The following YWHAZ variants were observed in gnomAD, a reference collection of about 807,000 sequenced individuals.
YWHAZ encodes the protein 14-3-3 protein zeta/delta.
For synonymous variants in YWHAZ, 87 were observed against 103.6 expected, an observed-to-expected ratio of 0.84 and a Z score of 0.97; for missense variants, 79 against 284.8, an observed-to-expected ratio of 0.28 and a Z score of 5.20.
chr8:100,947,913 C>T (rs938144637), intron 2 of YWHAZ, among the ~76,000 whole-genome samples: 6 of 152,194 alleles, frequency 3.9e-5, no homozygotes, highest in African/African-American at 1.2e-4. Context: ...AAAAGCCCTA[C>T]TTTATATGAC....
At chr8:100,941,437 TAA>T (rs1173018127) in intron 2 of YWHAZ, among the ~76,000 whole-genome samples, 2 of 152,158 alleles carry the variant, frequency 1.3e-5, no homozygotes, top group African/African-American at 4.8e-5. Context: ...CGCTAATTTT[TAA>T]AAACTCTAGA....
chr8:100,952,821 C>G (rs553910272), upstream of YWHAZ: 7 of 1,000,438 alleles, frequency 7.0e-6, no homozygotes, highest in Non-Finnish European at 6.0e-6. Context: ...CGGCCCCTCC[C>G]GGCCTCCCTC....
rs1810507342 is a variant in YWHAZ, at chr8:100,948,970, T to C, written c.-11-70A>G. On this transcript the variant is annotated intron_variant, in intron 1 of 5. Transcript: ENST00000395958. This position sits in a 1 kb window ranked among gnomAD's most constrained non-coding sequence, Gnocchi z 4.2. ...ATAAACAGACTCAAAATTATACCTG[T>C]GGTAAATGAGTTTTTTAAACCTGAA... 1 of 1,491,204 alleles carries C rather than the reference T, an allele frequency of 6.7e-7. No homozygotes were observed. The highest frequency in any genetic ancestry group is 1.3e-5 in the South Asian group (1 of 74,158). 92.4% of individuals were successfully genotyped at this position (1,491,204 alleles called of 1,614,324 possible).
chr8:100,927,811 C>T (rs368567782), intron 2 of YWHAZ, among the ~76,000 whole-genome samples: 3 of 152,192 alleles, frequency 2.0e-5, no homozygotes, highest in East Asian at 3.8e-4. Flanking sequence ...TTAAGCACTT[C>T]TTTCCCCAAA....
chr8:100,952,257 C>T (rs1810851786), upstream of YWHAZ: 1 of 598,792 alleles, frequency 1.7e-6, no homozygotes, highest in Non-Finnish European at 2.1e-6. Flanking sequence ...GCAGCCGCCA[C>T]TCCTCCCACC....
intron 2 of YWHAZ, among the ~76,000 whole-genome samples, chr8:100,932,380 C>T (rs955517515): frequency 6.6e-6 from 1 of 152,102 alleles, no homozygotes; most frequent in African/African-American, 2.4e-5. Flanking sequence ...GTAATATTAC[C>T]TTATTTCTCC....
chr8:100,935,866 C>T (rs868664933), intron 2 of YWHAZ, among the ~76,000 whole-genome samples: 7 of 152,202 alleles, frequency 4.6e-5, no homozygotes, highest in African/African-American at 1.7e-4. Flanking sequence ...CAAAATCTCC[C>T]TTCCAATGCC....
Position 100,920,040 on chromosome 8 carries a change from A to G in YWHAZ, c.*653T>C, listed in dbSNP as rs1316109861. On this transcript the variant is annotated 3_prime_UTR_variant, in exon 6 of 6. Transcript: ENST00000395958. Reference sequence around the variant, plus strand: ...GGTTGCCTAAAACATTTAAATACAAATAAAATGAGTGTAGCAAAAATAATG... The same window carrying G: ...GGTTGCCTAAAACATTTAAATACAAGTAAAATGAGTGTAGCAAAAATAATG... 1 of 152,488 alleles carries G rather than the reference A, an allele frequency of 6.6e-6. No individual in the cohort carries two copies. Among genetic ancestry groups the G allele is most frequent in the African/African-American group, 2.4e-5 (1 of 41,322 alleles). 9.4% of individuals were successfully genotyped at this position (152,488 alleles called of 1,614,324 possible).
intron 2 of YWHAZ, among the ~76,000 whole-genome samples, chr8:100,926,799 T>C (rs188003906): frequency 2.4e-4 from 36 of 152,292 alleles, no homozygotes; most frequent in African/African-American, 8.4e-4. Flanking sequence ...TGTGGAGATC[T>C]GCCTCAAACA....
At chr8:100,926,049 CA>C (rs34422675) in intron 2 of YWHAZ, among the ~76,000 whole-genome samples, 70,752 of 150,936 alleles carry the variant, frequency 0.47, 17,066 homozygotes, top group South Asian at 0.63. Context: ...TCCATTCTTA[CA>C]AAAAAAAAGT....
intron 2 of YWHAZ, among the ~76,000 whole-genome samples, chr8:100,925,514 AG>A (rs1813299538): frequency 6.6e-6 from 1 of 152,206 alleles, no homozygotes; most frequent in Admixed American, 6.5e-5. Flanking sequence ...CCAGAGAAGG[AG>A]GAACAAAATA....
chr8:100,921,922 G>GTTTC (rs1311442859), intron 5 of YWHAZ, among the ~76,000 whole-genome samples: 1 of 152,174 alleles, frequency 6.6e-6, no homozygotes, highest in Non-Finnish European at 1.5e-5. Context: ...CGGAGGGGAA[G>GTTTC]GGGAAAATAC....
At chr8:100,935,805 C>T (rs1416141537) in intron 2 of YWHAZ, among the ~76,000 whole-genome samples, 1 of 152,176 alleles carries the variant, frequency 6.6e-6, no homozygotes, top group Non-Finnish European at 1.5e-5. Flanking sequence ...AAAACTATGA[C>T]CAGCCTCCTC....
At chr8:100,932,840 AAAT>A (rs1336170535) in intron 2 of YWHAZ, among the ~76,000 whole-genome samples, 1 of 152,204 alleles carries the variant, frequency 6.6e-6, no homozygotes, top group Admixed American at 6.5e-5. Flanking sequence ...GCTATTAATA[AAAT>A]AATGTTTCAG....
intron 2 of YWHAZ, among the ~76,000 whole-genome samples, chr8:100,928,149 G>A (rs879793022): frequency 6.0e-5 from 9 of 151,120 alleles, no homozygotes; most frequent in South Asian, 4.2e-4. Flanking sequence ...GTGTGGTGGC[G>A]GGCGCCTGTA....
intron 2 of YWHAZ, among the ~76,000 whole-genome samples, chr8:100,933,184 G>A (rs1023135121): frequency 6.6e-6 from 1 of 151,904 alleles, no homozygotes; most frequent in Admixed American, 6.6e-5. Context: ...GATGGTGAAA[G>A]CCTGTCTCTA....
intron 2 of YWHAZ, 86 bp from the exon 3 acceptor site, chr8:100,925,125 C>G: frequency 7.1e-7 from 1 of 1,408,632 alleles, no homozygotes; most frequent in Non-Finnish European, 9.5e-7. Flanking sequence ...CAAACTATAG[C>G]CTAAGTTATA....
At chr8:100,926,958 G>A (rs914573743) in intron 2 of YWHAZ, among the ~76,000 whole-genome samples, 11 of 152,192 alleles carry the variant, frequency 7.2e-5, no homozygotes, top group African/African-American at 2.7e-4. Flanking sequence ...ATAAACATAA[G>A]TGGCTTTGGG....
rs1324856226 is a variant in YWHAZ at position 100,918,406 on chromosome 8, CTTTATATATATATA to C, written c.*2273_*2286del. On this transcript the variant is annotated 3_prime_UTR_variant, in exon 6 of 6. Transcript: ENST00000395958. ...TCAGTCTAGCTATAAAATATAATTA[CTTTATATATATATA>C]TATATATATATATATATATATATAA... 0.029 allele frequency: 560 copies of C among 19,620 alleles called. 22 individuals carry two copies. Among genetic ancestry groups the C allele is most frequent in the African/African-American group, 0.067 (505 of 7,592 alleles). The allele number at this position is 19,620 out of a possible 1,614,324, so 1.2% of individuals were successfully genotyped here. A position where few individuals can be genotyped will look rare whatever the true frequency, so the allele number is the denominator to read the frequency against.
Sources: allele counts gnomAD v4.1 joint callset (sites outside exome capture counted in the v4.1 genomes callset), GRCh38; gene constraint gnomAD v4.1.1; non-coding constraint Gnocchi (gnomAD v3.1); transcripts MANE v1.5; gene names NCBI Gene and HGNC (gene_info 2026-07-23, HGNC 2026-07-21).